Variants in ZNF711 observed in about 807,000 individuals in gnomAD.
The protein encoded by ZNF711 is ZFX family zinc finger ZNF711.
Under a neutral mutation model 43.5 loss-of-function variants are expected in ZNF711, and 3 were observed. The observed-to-expected ratio is 0.07, with a 90% CI of 0.03 to 0.18. The LOEUF is 0.18. Among genes scored for constraint, ZNF711 ranks in the 10% least tolerant of loss-of-function variants. The pLI, the probability that ZNF711 is intolerant of heterozygous loss-of-function variation, is 1.00. For missense variants in ZNF711, 412 were observed against 604.0 expected, an observed-to-expected ratio of 0.68 and a Z score of 3.33; for synonymous variants, 209 against 207.7, an observed-to-expected ratio of 1.01 and a Z score of -0.06.
In ZNF711 at chrX:85,264,349, G is replaced by T. The variant is rs760543699; in HGVS notation, c.697G>T (p.Asp233Tyr). ...LKIGSDGSQEDAKEDGFGSEV... is the reference protein window; with the variant it reads ...LKIGSDGSQEYAKEDGFGSEV... ...AATTGGCAGTGATGGTTCACAAGAA[G>T]ATGCTAAAGAAGATGGGTTTGGTTC... Residue 233 changes from aspartate to tyrosine, a missense_variant, in exon 6 of 11, where the codon GAT (aspartate) becomes TAT (tyrosine). Coordinates refer to ENST00000674551, the MANE Select transcript of ZNF711 (RefSeq NM_001330574.2). 4 of 1,205,717 alleles carry T rather than the reference G, an allele frequency of 3.3e-6. No homozygotes were observed. The highest frequency in any genetic ancestry group is 4.5e-6 in the Non-Finnish European group (4 of 890,841).
At chrX:85,252,242 A>G (rs1226675097) in intron 4 of ZNF711, among the ~76,000 whole-genome samples, 1 of 111,772 alleles carries the variant, frequency 8.9e-6, no homozygotes, top group Non-Finnish European at 1.9e-5. Context: ...GGATAAACAA[A>G]CATATTTGGA....
At chrX:85,268,138 C>G (rs1931256529) in intron 8 of ZNF711, among the ~76,000 whole-genome samples, 156 bp from the exon 9 acceptor site, 1 of 110,609 alleles carries the variant, frequency 9.0e-6, no homozygotes, top group African/African-American at 3.3e-5. Context: ...GTGACATTAT[C>G]TAACCTATAG....
At chrX:85,252,045 T>C (rs1353422297) in intron 4 of ZNF711, among the ~76,000 whole-genome samples, 5 of 111,811 alleles carry the variant, frequency 4.5e-5, no homozygotes, top group Non-Finnish European at 1.9e-5. Context: ...CAGTGCTTAA[T>C]AAATATAGCT....
intron 7 of ZNF711, 114 bp from the exon 8 acceptor site, chrX:85,267,164 T>G: frequency 3.1e-6 from 2 of 643,456 alleles, no homozygotes; most frequent in Non-Finnish European, 4.2e-6. Flanking sequence ...AATTTATAAA[T>G]TTTTAAATTA....
intron 4 of ZNF711, among the ~76,000 whole-genome samples, chrX:85,250,475 T>C (rs1016532066): frequency 8.9e-6 from 1 of 112,051 alleles, no homozygotes; most frequent in Admixed American, 9.5e-5. Flanking sequence ...ATGAATTTAA[T>C]TGAGTAAACT....
intron 4 of ZNF711, among the ~76,000 whole-genome samples, chrX:85,247,863 T>A (rs1569257255): frequency 9.0e-6 from 1 of 111,139 alleles, no homozygotes; most frequent in Non-Finnish European, 1.9e-5. Context: ...TAGGGACACT[T>A]GAAATATGGT....
chrX:85,247,263 G>A (rs748594637), intron 3 of ZNF711, 75 bp downstream of exon 3: 198 of 311,633 alleles, frequency 6.4e-4, no homozygotes, highest in Non-Finnish European at 1.0e-3. Context: ...GGAACTTTTA[G>A]CACTGCAGTT....
At chrX:85,256,199 AAT>A (rs1370986124) in intron 5 of ZNF711, among the ~76,000 whole-genome samples, 1 of 108,443 alleles carries the variant, frequency 9.2e-6, no homozygotes, top group Non-Finnish European at 1.9e-5. Flanking sequence ...ACTTAAGCAG[AAT>A]ATGTTAAGAA....
intron 1 of ZNF711, among the ~76,000 whole-genome samples, chrX:85,245,151 C>A (rs182492355): frequency 8.9e-6 from 1 of 112,071 alleles, no homozygotes; most frequent in Non-Finnish European, 1.9e-5. Flanking sequence ...ACTACTTTCG[C>A]ATTCTCTTGT....
In ZNF711 at chrX:85,265,283, T is replaced by C. The variant is rs778560595; in HGVS notation, c.916+28T>C. ...AAGAAAATAAGGGCACTGTAGTGAC[T>C]TATCAGTAGCCATCATGCATTATTT... On this transcript the variant is annotated intron_variant, in intron 7 of 10. Coordinates refer to ENST00000674551, the MANE Select transcript of ZNF711 (RefSeq NM_001330574.2). 4 of 1,196,604 alleles carry C rather than the reference T, an allele frequency of 3.3e-6. No homozygotes were observed. The South Asian group carries it at 5.3e-5, about 16-fold the overall frequency.
chrX:85,251,206 GT>G (rs1569259184), intron 4 of ZNF711, among the ~76,000 whole-genome samples: 1 of 105,647 alleles, frequency 9.5e-6, no homozygotes, highest in African/African-American at 3.4e-5. Context: ...TCCAAATTCT[GT>G]AAGGTTCTTG....
rs1312622781 is a variant in ZNF711, at chrX:85,272,553, T to G, written c.*725T>G. 2 of 112,022 alleles carry G rather than the reference T, an allele frequency of 1.8e-5. No homozygotes were observed. Among genetic ancestry groups the G allele is most frequent in the Non-Finnish European group, 3.8e-5 (2 of 53,019 alleles). The allele number at this position is 112,022 out of a possible 1,213,427, so 9.2% of individuals were successfully genotyped here. A position where few individuals can be genotyped will look rare whatever the true frequency, so the allele number is the denominator to read the frequency against. ...ATGGCATATATGACAAAAGTATATT[T>G]GAGTCAAATGTGGCTTTCTAAAATG... On this transcript the variant is annotated 3_prime_UTR_variant, in exon 11 of 11. Transcript: ENST00000674551.
At chrX:85,252,220 G>A (rs1365291711) in intron 4 of ZNF711, among the ~76,000 whole-genome samples, 1 of 111,886 alleles carries the variant, frequency 8.9e-6, no homozygotes, top group Non-Finnish European at 1.9e-5. Flanking sequence ...ATCCTTGAGA[G>A]CATTTGGTTC....
At position 85,257,474 on chromosome X, in the gene ZNF711, C is replaced by T. The variant is rs148498638; in HGVS notation, c.622+1673C>T. Among the ~76,000 whole-genome samples the T allele has an allele frequency of 1.5e-4, 17 of 112,098 alleles. No individual in the cohort carries two copies. In the East Asian group the frequency reaches 2.8e-3, roughly 19 times the overall value. On this transcript the variant is annotated intron_variant, in intron 5 of 10. Transcript: ENST00000674551. ...TGCTTAGAATAATGACCCACAGCAG[C>T]ATCCATATTACTACAAAGGACGTGA...
rs199422240 is a variant in ZNF711, at chrX:85,271,115, A to G, written c.1711A>G (p.Arg571Gly). 1 of 1,210,993 alleles carries G rather than the reference A, an allele frequency of 8.3e-7. No individual in the cohort carries two copies. The change falls in exon 11 of 11, where the codon AGA (arginine) becomes GGA (glycine). Residue 571 changes from arginine (R) to glycine (G), a missense_variant. Physicochemically the swap from Arg to Gly is moderately radical, Grantham distance 125. Around this residue, in one of 4 missense-constraint regions of ZNF711, gnomAD observed 375 missense variants for 514.2 expected, o/e 0.73. Transcript: ENST00000674551. ...TCCTTCTGAACTCAAGAAACATATG[A>G]GAACCCATACTGGTGAGAAGCCATA... ...RHPSELKKHM[R>G]THTGEKPYQC...
Position 85,270,633 on chromosome X carries a change from T to C in ZNF711, c.1247-18T>C. On this transcript the variant is annotated intron_variant, in intron 10 of 10. Coordinates refer to ENST00000674551, the MANE Select transcript of ZNF711 (RefSeq NM_001330574.2). ...ACAGTCTGACCAAATGTCACAACTT[T>C]CTCTTTTCTTTATCTAGCTGTTATA... 5 of 1,182,419 alleles carry C rather than the reference T, an allele frequency of 4.2e-6. No individual in the cohort carries two copies. Among genetic ancestry groups the C allele is most frequent in the Non-Finnish European group, 5.7e-6 (5 of 872,180 alleles).
chrX:85,254,774 C>T (rs1334880434), intron 4 of ZNF711, among the ~76,000 whole-genome samples: 2 of 101,227 alleles, frequency 2.0e-5, no homozygotes, highest in Admixed American at 1.1e-4. Context: ...CGCACTCCAG[C>T]CCGGGCGATA....
At chrX:85,256,993 G>C (rs758848382) in intron 5 of ZNF711, among the ~76,000 whole-genome samples, 1 of 111,420 alleles carries the variant, frequency 9.0e-6, no homozygotes, top group South Asian at 3.7e-4. Flanking sequence ...GTCTTCAAAA[G>C]AGTATTCATT....
chrX:85,258,060 T>G (rs1930327924), intron 5 of ZNF711, among the ~76,000 whole-genome samples: 1 of 112,387 alleles, frequency 8.9e-6, no homozygotes, highest in Non-Finnish European at 1.9e-5. Flanking sequence ...AATAAGTCAT[T>G]ATACAAAAAA....
Sources: gnomAD v4.1 joint callset for allele counts (sites outside exome capture counted in the v4.1 genomes callset) on GRCh38, gnomAD v4.1.1 for gene constraint, gnomAD v4.1.1 regional missense constraint, MANE v1.5 for transcripts, NCBI Gene and HGNC (gene_info 2026-07-23, HGNC 2026-07-21) for gene names.